The following SRRM4 variants were observed in gnomAD, a reference collection of about 807,000 sequenced individuals.
SRRM4 encodes serine/arginine repetitive matrix 4, also known as serine/arginine repetitive matrix protein 4.
SRRM4 carries 33 observed loss-of-function variants against 68.9 expected under a neutral mutation model. That is an observed-to-expected ratio of 0.48 (90% confidence interval 0.36 to 0.64). The LOEUF (loss-of-function observed/expected upper bound fraction) is 0.64, where lower values mean the gene tolerates loss of function less well. SRRM4 is among the 30% of genes least tolerant of loss of function. The pLI, the probability that SRRM4 is intolerant of heterozygous loss-of-function variation, is 0.00. For missense variants in SRRM4, 817 were observed against 827.1 expected (o/e 0.99, Z 0.15); for synonymous variants, 318 against 318.8 (o/e 1.00, Z 0.03).
rs980178728 is a variant in SRRM4 at position 118,981,545 on chromosome 12, A to T, written c.-338A>T. ...CGGGCGCGCCGGAGCTCACACGCGC[A>T]CGCACACACATCCGACCCCGTCGCC... On this transcript the variant is annotated 5_prime_UTR_variant, in exon 1 of 13. Transcript: ENST00000267260. 1 of 233,950 alleles carries T rather than the reference A, an allele frequency of 4.3e-6. No individual in the cohort carries two copies. The highest frequency in any genetic ancestry group is 8.3e-6 in the Non-Finnish European group (1 of 120,158). 14.5% of individuals were successfully genotyped at this position (233,950 alleles called of 1,614,324 possible).
intron 1 of SRRM4, among the ~76,000 whole-genome samples, chr12:119,091,535 T>C (rs1251188338): frequency 6.6e-6 from 1 of 152,170 alleles, no homozygotes; most frequent in Non-Finnish European, 1.5e-5. Context: ...GTGTCGTCTG[T>C]TCCTGGAAAA....
chr12:118,991,471 T>TACA (rs1953316466), intron 1 of SRRM4, among the ~76,000 whole-genome samples: 1 of 152,212 alleles, frequency 6.6e-6, no homozygotes, highest in Admixed American at 6.5e-5. Context: ...TGTAATTATA[T>TACA]ATGGATTTGG....
chr12:118,982,466 A>T (rs552216648), intron 1 of SRRM4, among the ~76,000 whole-genome samples: 1 of 152,202 alleles, frequency 6.6e-6, no homozygotes, highest in South Asian at 2.1e-4. Flanking sequence ...GAAACTAGCG[A>T]GCTTTGAACA....
At chr12:119,002,923 C>T (rs1953393942) in intron 1 of SRRM4, among the ~76,000 whole-genome samples, 1 of 150,386 alleles carries the variant, frequency 6.6e-6, no homozygotes, top group Non-Finnish European at 1.5e-5. Context: ...TGCTGCTGAA[C>T]ACTGCATTTG....
At chr12:119,066,272 T>C (rs1328118125) in intron 1 of SRRM4, among the ~76,000 whole-genome samples, 1 of 151,654 alleles carries the variant, frequency 6.6e-6, no homozygotes, top group East Asian at 2.0e-4. Context: ...TGATCTACTG[T>C]AAATACACAA....
chr12:119,146,045 A>G (rs902326620), intron 9 of SRRM4, among the ~76,000 whole-genome samples: 3 of 152,152 alleles, frequency 2.0e-5, no homozygotes, highest in African/African-American at 7.2e-5. Context: ...CTTCTTTCTC[A>G]AAGATTTCAG....
At chr12:118,998,308 A>G (rs1026676161) in intron 1 of SRRM4, among the ~76,000 whole-genome samples, 2 of 139,106 alleles carry the variant, frequency 1.4e-5, no homozygotes, top group African/African-American at 5.3e-5. Context: ...AATCACAGAG[A>G]GTGTCAACAT....
intron 2 of SRRM4, among the ~76,000 whole-genome samples, chr12:119,107,465 G>A (rs548167507): frequency 9.9e-4 from 150 of 152,198 alleles, no homozygotes; most frequent in Non-Finnish European, 1.8e-3. Flanking sequence ...TTTTTTGGTT[G>A]CTAGGTTATT....
chr12:119,017,571 G>C (rs1485234449), intron 1 of SRRM4, among the ~76,000 whole-genome samples: 1 of 152,200 alleles, frequency 6.6e-6, no homozygotes, highest in Non-Finnish European at 1.5e-5. Context: ...GCAGGAGTGG[G>C]AGCAGGGGAG....
chr12:119,089,703 T>C (rs1954002584), intron 1 of SRRM4, among the ~76,000 whole-genome samples: 1 of 152,146 alleles, frequency 6.6e-6, no homozygotes, highest in Non-Finnish European at 1.5e-5. Flanking sequence ...TTGGTGGAGT[T>C]GGTATAGACC....
intron 9 of SRRM4, among the ~76,000 whole-genome samples, chr12:119,146,893 G>A (rs1411442404): frequency 6.7e-6 from 1 of 148,986 alleles, no homozygotes; most frequent in Non-Finnish European, 1.5e-5. Context: ...CCGAGATTGC[G>A]CCAGTGCACT....
intron 2 of SRRM4, among the ~76,000 whole-genome samples, chr12:119,106,258 G>A (rs1168107768): frequency 1.3e-5 from 2 of 152,140 alleles, no homozygotes; most frequent in African/African-American, 4.8e-5. Flanking sequence ...CTCCAGTTTT[G>A]TTCTTTTGGC....
chr12:119,033,678 T>A (rs974331125), intron 1 of SRRM4, among the ~76,000 whole-genome samples: 5 of 146,896 alleles, frequency 3.4e-5, no homozygotes, highest in East Asian at 4.1e-4. Flanking sequence ...AAAAAAAAAA[T>A]ACTTTTCTCA....
At chr12:119,042,607 G>A (rs757786104) in intron 1 of SRRM4, among the ~76,000 whole-genome samples, 8 of 151,390 alleles carry the variant, frequency 5.3e-5, no homozygotes, top group Non-Finnish European at 1.2e-4. Flanking sequence ...AAGGTGAAAA[G>A]AGGAGATAGC....
chr12:119,133,443 G>A (rs1954309886), intron 8 of SRRM4, among the ~76,000 whole-genome samples: 1 of 152,184 alleles, frequency 6.6e-6, no homozygotes, highest in South Asian at 2.1e-4. Flanking sequence ...CTAGAGCCAA[G>A]ACCCCTGCTT....
intron 1 of SRRM4, among the ~76,000 whole-genome samples, chr12:119,073,781 T>C (rs554743876): frequency 5.9e-5 from 9 of 152,210 alleles, no homozygotes; most frequent in African/African-American, 2.2e-4. Flanking sequence ...CTCTGTGCCC[T>C]GCTAGTTTTT....
At chr12:119,137,387 T>G (rs1251589725) in intron 8 of SRRM4, among the ~76,000 whole-genome samples, 6 of 152,142 alleles carry the variant, frequency 3.9e-5, no homozygotes, top group African/African-American at 1.4e-4. Context: ...TTGCCTTTTT[T>G]CCCCGTTCTT....
intron 9 of SRRM4, among the ~76,000 whole-genome samples, chr12:119,148,687 A>G (rs1456221883): frequency 6.6e-6 from 1 of 152,216 alleles, no homozygotes; most frequent in African/African-American, 2.4e-5. Context: ...CAGAATTCAA[A>G]TACAAATATG....
At chr12:119,068,942 C>G (rs1953861920) in intron 1 of SRRM4, among the ~76,000 whole-genome samples, 1 of 152,050 alleles carries the variant, frequency 6.6e-6, no homozygotes, top group African/African-American at 2.4e-5. Context: ...TTATTTTAAA[C>G]CCATTCCCCA....
Sources: gnomAD v4.1 joint callset for allele counts (sites outside exome capture counted in the v4.1 genomes callset) on GRCh38, gnomAD v4.1.1 for gene constraint, MANE v1.5 for transcripts, NCBI Gene and HGNC (gene_info 2026-07-23, HGNC 2026-07-21) for gene names.